LRMDA: variants seen among roughly 807,000 people sequenced by gnomAD.
LRMDA encodes the protein leucine-rich melanocyte differentiation-associated protein.
Under a neutral mutation model 29.8 loss-of-function variants are expected in LRMDA, and 18 were observed. The ratio of observed to expected loss-of-function variants is 0.60; its 90% CI spans 0.42 to 0.90. LRMDA has a LOEUF of 0.90. Among genes scored for constraint, LRMDA ranks in the 40% least tolerant of loss-of-function variants. The pLI is 0.00. For missense variants in LRMDA, 273 were observed against 273.9 expected, an observed-to-expected ratio of 1.00 and a Z score of 0.02; for synonymous variants, 125 against 109.4, an observed-to-expected ratio of 1.14 and a Z score of -0.89.
At chr10:75,801,743 G>A (rs1843746241) in intron 2 of LRMDA, among the ~76,000 whole-genome samples, 1 of 152,184 alleles carries the variant, frequency 6.6e-6, no homozygotes, top group Admixed American at 6.5e-5. Flanking sequence ...TTTGCTCTGA[G>A]TGAGAGATAA....
intron 2 of LRMDA, among the ~76,000 whole-genome samples, chr10:75,858,378 C>G (rs1020729942): frequency 2.0e-5 from 3 of 152,210 alleles, no homozygotes; most frequent in African/African-American, 7.2e-5. Flanking sequence ...CCTTCCCCAT[C>G]TTCTCTTCTT....
intron 2 of LRMDA, among the ~76,000 whole-genome samples, chr10:75,683,600 C>T (rs1345954819): frequency 6.6e-6 from 1 of 152,212 alleles, no homozygotes; most frequent in African/African-American, 2.4e-5. Context: ...ATATCCTGCA[C>T]TCAGTATTTG....
At chr10:76,019,467 G>A (rs1847933589) in intron 2 of LRMDA, among the ~76,000 whole-genome samples, 1 of 152,012 alleles carries the variant, frequency 6.6e-6, no homozygotes, top group South Asian at 2.1e-4. Flanking sequence ...TACTTCACAT[G>A]TCATTTATGA....
chr10:76,510,134 G>A (rs531914656), intron 6 of LRMDA, among the ~76,000 whole-genome samples: 3 of 152,124 alleles, frequency 2.0e-5, no homozygotes, highest in African/African-American at 7.2e-5. Context: ...GGAGTGGCAC[G>A]ATCTCGGCTC....
At chr10:76,021,771 C>T (rs1847978325) in intron 2 of LRMDA, among the ~76,000 whole-genome samples, 2 of 152,166 alleles carry the variant, frequency 1.3e-5, no homozygotes, top group South Asian at 4.2e-4. Flanking sequence ...GAGAGACCTG[C>T]TCATAAAACT....
chr10:75,567,894 G>A (rs1300162992), intron 2 of LRMDA, among the ~76,000 whole-genome samples: 1 of 152,194 alleles, frequency 6.6e-6, no homozygotes, highest in African/African-American at 2.4e-5. Flanking sequence ...GAATAGGGGT[G>A]ATGTATGAGA....
chr10:75,562,914 G>T (rs1353309848), intron 2 of LRMDA, among the ~76,000 whole-genome samples: 1 of 152,072 alleles, frequency 6.6e-6, no homozygotes, highest in African/African-American at 2.4e-5. Context: ...TAGTCTGATG[G>T]GCTTCCCTTT....
intron 5 of LRMDA, among the ~76,000 whole-genome samples, chr10:76,141,876 C>G (rs118070627): frequency 6.6e-6 from 1 of 152,072 alleles, no homozygotes; most frequent in East Asian, 1.9e-4. Context: ...TTTTCTGTCT[C>G]GTTTTAATTG....
At chr10:75,509,995 A>G (rs1302794317) in intron 2 of LRMDA, among the ~76,000 whole-genome samples, 1 of 152,228 alleles carries the variant, frequency 6.6e-6, no homozygotes, top group Non-Finnish European at 1.5e-5. Context: ...CTGAGTTCAA[A>G]TGGGAGACCA....
At chr10:76,078,599 G>T (rs567548712) in intron 5 of LRMDA, among the ~76,000 whole-genome samples, 6 of 152,220 alleles carry the variant, frequency 3.9e-5, no homozygotes, top group South Asian at 2.1e-4. Context: ...ACTTTGGGAA[G>T]CTGAGACGGG....
Position 76,160,743 on chromosome 10 carries a change from T to C in LRMDA, c.516+101960T>C, listed in dbSNP as rs1022637129. On this transcript the variant is annotated intron_variant, in intron 5 of 6. Coordinates refer to ENST00000611255, the MANE Select transcript of LRMDA (RefSeq NM_001305581.2). ...TCTATCTCATTGAGACCATGATAGG[T>C]TGGACTCTCTACACTGGCCAGAGCA... is the stretch of plus-strand genomic sequence containing the variant. 7.2e-5 allele frequency among the ~76,000 whole-genome samples: 11 copies of C among 152,132 alleles called. No homozygotes were observed. In the South Asian group the frequency reaches 8.3e-4, roughly 11 times the overall value.
intron 2 of LRMDA, among the ~76,000 whole-genome samples, chr10:75,961,852 G>T (rs1043755620): frequency 1.3e-5 from 2 of 152,130 alleles, no homozygotes; most frequent in African/African-American, 2.4e-5. Context: ...GATGTCAGTC[G>T]GGTTACTTCC....
intron 5 of LRMDA, among the ~76,000 whole-genome samples, chr10:76,182,874 A>G (rs2894324): frequency 0.39 from 59,516 of 152,026 alleles, 14,317 homozygotes; most frequent in East Asian, 0.75. Context: ...GGTCCCAGGA[A>G]AGAATGGTGA....
intron 2 of LRMDA, among the ~76,000 whole-genome samples, chr10:75,801,229 T>C (rs1589210884): frequency 6.6e-6 from 1 of 152,222 alleles, no homozygotes. Context: ...AGCCCAGGAT[T>C]TGTGAGGAGA....
intron 2 of LRMDA, among the ~76,000 whole-genome samples, chr10:75,722,276 C>T (rs1216271493): frequency 1.3e-5 from 2 of 152,092 alleles, no homozygotes; most frequent in Non-Finnish European, 2.9e-5. Context: ...GTTGAGGCCT[C>T]AAACCCCTCA....
chr10:76,149,786 A>G (rs949680671), intron 5 of LRMDA, among the ~76,000 whole-genome samples: 2 of 152,100 alleles, frequency 1.3e-5, no homozygotes, highest in Non-Finnish European at 2.9e-5. Flanking sequence ...TAAAATGCAA[A>G]TGTCCCTGGA....
At chr10:75,450,460 G>A (rs1364541782) in intron 2 of LRMDA, 1 of 144,954 alleles carries the variant, frequency 6.9e-6, no homozygotes, top group Non-Finnish European at 1.6e-5. Context: ...ACCAACAAAA[G>A]AGGTTTAAAA....
chr10:76,504,776 G>A (rs1406682130), intron 6 of LRMDA, among the ~76,000 whole-genome samples: 2 of 152,040 alleles, frequency 1.3e-5, no homozygotes, highest in Admixed American at 6.6e-5. Flanking sequence ...TGCCTTTTAA[G>A]TGGGGTGTTT....
intron 5 of LRMDA, among the ~76,000 whole-genome samples, chr10:76,310,833 T>C (rs959271067): frequency 6.6e-6 from 1 of 152,232 alleles, no homozygotes; most frequent in Non-Finnish European, 1.5e-5. Flanking sequence ...TGCACTCTTA[T>C]TGAAAGCAAA....
Sources: gnomAD v4.1 joint callset for allele counts (sites outside exome capture counted in the v4.1 genomes callset) on GRCh38, gnomAD v4.1.1 for gene constraint, MANE v1.5 for transcripts, NCBI Gene and HGNC (gene_info 2026-07-23, HGNC 2026-07-21) for gene names.